Variants in CHMP3 observed in about 807,000 individuals in gnomAD.
The protein encoded by CHMP3 is 25.1 protein.
Under a neutral mutation model 27.4 loss-of-function variants are expected in CHMP3, and 8 were observed. The ratio of observed to expected loss-of-function variants is 0.29; its 90% confidence interval spans 0.17 to 0.53. The LOEUF (loss-of-function observed/expected upper bound fraction) is 0.53, where lower values mean the gene tolerates loss of function less well. Among genes scored for constraint, CHMP3 ranks in the 20% least tolerant of loss-of-function variants. The pLI is 0.96. For missense variants in CHMP3, 208 were observed against 271.5 expected, an observed-to-expected ratio of 0.77 and a Z score of 1.64; for synonymous variants, 86 against 85.5, an observed-to-expected ratio of 1.01 and a Z score of -0.03.
At chr2:86,543,858 G>A (rs921075595) in intron 1 of CHMP3, among the ~76,000 whole-genome samples, 1 of 152,168 alleles carries the variant, frequency 6.6e-6, no homozygotes, top group Non-Finnish European at 1.5e-5. Flanking sequence ...TTTTGGAAGT[G>A]AAATTTATAT....
intron 1 of CHMP3, among the ~76,000 whole-genome samples, chr2:86,553,538 G>C (rs538782841): frequency 6.6e-6 from 1 of 152,226 alleles, no homozygotes; most frequent in African/African-American, 2.4e-5. Context: ...CGCCATGTTG[G>C]CCAGGATGAT....
At chr2:86,548,279 C>T (rs567930672) in intron 1 of CHMP3, among the ~76,000 whole-genome samples, 5 of 149,640 alleles carry the variant, frequency 3.3e-5, no homozygotes, top group African/African-American at 1.2e-4. Context: ...GAGAGAAGGT[C>T]AGCAGATAAA....
At chr2:86,539,840 T>C (rs1252603186) in intron 2 of CHMP3, among the ~76,000 whole-genome samples, 4 of 152,114 alleles carry the variant, frequency 2.6e-5, no homozygotes, top group Admixed American at 2.0e-4. Context: ...TCCAAGTTTC[T>C]ATCTGGTATG....
chr2:86,518,492 G>C (rs945763841), intron 3 of CHMP3, among the ~76,000 whole-genome samples: 2 of 151,984 alleles, frequency 1.3e-5, no homozygotes, highest in Non-Finnish European at 2.9e-5. Context: ...ACTTGAAGCA[G>C]TTTATTAAAA....
chr2:86,518,028 G>GT (rs746800620), intron 3 of CHMP3, among the ~76,000 whole-genome samples: 3 of 152,004 alleles, frequency 2.0e-5, no homozygotes, highest in Non-Finnish European at 4.4e-5. Flanking sequence ...ATAAAATGAA[G>GT]TAAAAATATT....
chr2:86,545,624 G>A (rs558060774), intron 1 of CHMP3, among the ~76,000 whole-genome samples: 1 of 147,838 alleles, frequency 6.8e-6, no homozygotes, highest in African/African-American at 2.5e-5. Context: ...CAGATGGGGT[G>A]GCCGGGCAGA....
intron 3 of CHMP3, among the ~76,000 whole-genome samples, chr2:86,516,146 C>CAAAA (rs35800757): frequency 1.2e-5 from 1 of 83,646 alleles, no homozygotes; most frequent in South Asian, 3.8e-4. Context: ...GACTCCATCT[C>CAAAA]AAAAAAAAAA....
At chr2:86,555,073 C>A (rs1012886893) in intron 1 of CHMP3, among the ~76,000 whole-genome samples, 2 of 151,956 alleles carry the variant, frequency 1.3e-5, no homozygotes, top group African/African-American at 4.8e-5. Flanking sequence ...GTCTTGAACT[C>A]CTGACCTCAA....
At chr2:86,507,120 T>TC (rs1674918288) in intron 5 of CHMP3, 1 of 160,886 alleles carries the variant, frequency 6.2e-6, no homozygotes, top group Admixed American at 6.3e-5. Flanking sequence ...CACCTGAGCC[T>TC]CCCAAAGTGC....
chr2:86,529,536 T>C (rs1039668004), intron 2 of CHMP3, 139 bp from the exon 3 acceptor site: 1 of 812,500 alleles, frequency 1.2e-6, no homozygotes, highest in Non-Finnish European at 1.7e-6. Context: ...AATAACGTAG[T>C]GAATATTCAT....
chr2:86,563,114 A>C, intron 1 of CHMP3, 190 bp downstream of exon 1: 1 of 602,276 alleles, frequency 1.7e-6, no homozygotes, highest in South Asian at 2.3e-5. Flanking sequence ...CCATGGCACC[A>C]GGAGCTCTCG....
At chr2:86,527,965 A>C (rs1441008128) in intron 3 of CHMP3, among the ~76,000 whole-genome samples, 1 of 152,222 alleles carries the variant, frequency 6.6e-6, no homozygotes, top group Admixed American at 6.5e-5. Flanking sequence ...TATCTCAAAA[A>C]AACAAAAATA....
Position 86,507,602 on chromosome 2 carries a change from A to G in CHMP3, c.409-9T>C, listed in dbSNP as rs1175128989. On this transcript the variant is annotated splice_polypyrimidine_tract_variant and intron_variant, in intron 4 of 5. Transcript: ENST00000263856. Reference sequence around the variant, plus strand: ...TCCTCTATGATCCCAGCCTAAACAGAATAAATATGTCACTTCGGTCAACTG... The same window carrying G: ...TCCTCTATGATCCCAGCCTAAACAGGATAAATATGTCACTTCGGTCAACTG... The G allele has an allele frequency of 6.2e-7, 1 of 1,610,730 alleles. No individual in the cohort carries two copies. The highest frequency in any genetic ancestry group is 1.1e-5 in the South Asian group (1 of 91,022).
At chr2:86,510,739 T>A (rs1347920254) in intron 3 of CHMP3, 1 of 338,286 alleles carries the variant, frequency 3.0e-6, no homozygotes, top group Non-Finnish European at 5.3e-6. Flanking sequence ...AAGCCACTCT[T>A]GACTTTTAGG....
intron 1 of CHMP3, among the ~76,000 whole-genome samples, chr2:86,560,251 G>C (rs974328341): frequency 6.6e-6 from 1 of 151,156 alleles, no homozygotes; most frequent in African/African-American, 2.4e-5. Flanking sequence ...GACAGAGCGA[G>C]ACTCCATCTC....
intron 5 of CHMP3, chr2:86,507,239 G>GTA: frequency 2.4e-6 from 1 of 420,638 alleles, no homozygotes; most frequent in South Asian, 2.5e-5. Flanking sequence ...CCCAACAGCA[G>GTA]TATATGAGAG....
chr2:86,563,422 G>T lies in CHMP3; in HGVS notation c.-74C>A. ...CAGGCAGGTCACGGGCAGCCGCCTG[G>T]GCGGGGCCCGCGGAAAAGGAGGTAG... On this transcript the variant is annotated 5_prime_UTR_variant, in exon 1 of 6. Transcript: ENST00000263856. 3 of 1,567,000 alleles carry T rather than the reference G, an allele frequency of 1.9e-6. No individual in the cohort carries two copies. The highest frequency in any genetic ancestry group is 2.6e-6 in the Non-Finnish European group (3 of 1,151,160).
At chr2:86,554,812 C>CGTGTGTGTGT (rs771711385) in intron 1 of CHMP3, among the ~76,000 whole-genome samples, 1 of 77,890 alleles carries the variant, frequency 1.3e-5, no homozygotes, top group Non-Finnish European at 3.2e-5. Context: ...AATGTGTGTG[C>CGTGTGTGTGT]GCGCGTGTGT....
chr2:86,514,725 C>CA (rs1322733516), intron 3 of CHMP3, among the ~76,000 whole-genome samples: 2 of 152,134 alleles, frequency 1.3e-5, no homozygotes, highest in African/African-American at 4.8e-5. Flanking sequence ...TCCCAGAAAG[C>CA]ATGTGTTAGA....
Sources: allele counts gnomAD v4.1 joint callset (sites outside exome capture counted in the v4.1 genomes callset), GRCh38; gene constraint gnomAD v4.1.1; transcripts MANE v1.5; gene names NCBI Gene and HGNC (gene_info 2026-07-23, HGNC 2026-07-21).